The following GUCY1A2 variants were observed in gnomAD, a reference collection of about 807,000 sequenced individuals.
The protein encoded by GUCY1A2 is guanylate cyclase 1 soluble subunit alpha 2.
GUCY1A2 carries 27 observed loss-of-function variants against 63.5 expected under a neutral mutation model. The ratio of observed to expected loss-of-function variants is 0.43; its 90% CI spans 0.31 to 0.59. The LOEUF (loss-of-function observed/expected upper bound fraction) is 0.59, where lower values mean the gene tolerates loss of function less well. Among genes scored for constraint, GUCY1A2 ranks in the 20% least tolerant of loss-of-function variants. The probability of loss-of-function intolerance (pLI) is 0.11; values close to 1 mark genes in which losing one functional copy is unlikely to be tolerated. For synonymous variants in GUCY1A2, 364 were observed against 343.5 expected, an observed-to-expected ratio of 1.06 and a Z score of -0.66; for missense variants, 768 against 913.3, an observed-to-expected ratio of 0.84 and a Z score of 2.05.
At chr11:106,812,188 A>G (rs967545302) in intron 4 of GUCY1A2, among the ~76,000 whole-genome samples, 1 of 151,936 alleles carries the variant, frequency 6.6e-6, no homozygotes, top group African/African-American at 2.4e-5. Context: ...AAATTTTTTT[A>G]AGATTGACAT....
At chr11:106,740,664 A>ATGTATGTATGTATGTATGTATGTATGTT (rs1863678779) in intron 6 of GUCY1A2, among the ~76,000 whole-genome samples, 1 of 92,804 alleles carries the variant, frequency 1.1e-5, no homozygotes, top group Non-Finnish European at 2.9e-5. Context: ...GTATGTATGT[A>ATGTATGTATGTATGTATGTATGTATGTT]TGTATGTATG....
chr11:106,788,151 T>G (rs1003560380), intron 5 of GUCY1A2, among the ~76,000 whole-genome samples: 1 of 152,206 alleles, frequency 6.6e-6, no homozygotes, highest in Non-Finnish European at 1.5e-5. Context: ...TATTAAGCAT[T>G]TTTTCATATA....
intron 6 of GUCY1A2, among the ~76,000 whole-genome samples, chr11:106,744,663 C>T (rs753734240): frequency 4.6e-5 from 7 of 152,072 alleles, no homozygotes; most frequent in Non-Finnish European, 1.0e-4. Context: ...CCATATAAAA[C>T]CTGTTTTACT....
chr11:106,989,356 T>A, intron 1 of GUCY1A2, among the ~76,000 whole-genome samples: 1 of 152,202 alleles, frequency 6.6e-6, no homozygotes, highest in East Asian at 1.9e-4. Flanking sequence ...ACCTTATTTT[T>A]TTTTTAGTTA....
At chr11:106,791,494 T>C (rs1271895281) in intron 5 of GUCY1A2, among the ~76,000 whole-genome samples, 2 of 139,602 alleles carry the variant, frequency 1.4e-5, no homozygotes, top group African/African-American at 2.6e-5. Context: ...TGTGTGTGTG[T>C]GCATGTGCAC....
At chr11:106,708,074 G>A (rs1011717963) in intron 7 of GUCY1A2, among the ~76,000 whole-genome samples, 2 of 151,286 alleles carry the variant, frequency 1.3e-5, no homozygotes, top group Non-Finnish European at 2.9e-5. Context: ...TTTGAGTAAG[G>A]TATAATTTAT....
At chr11:106,814,325 T>C (rs1406720179) in intron 4 of GUCY1A2, among the ~76,000 whole-genome samples, 7 of 152,006 alleles carry the variant, frequency 4.6e-5, no homozygotes, top group Admixed American at 4.6e-4. Context: ...ATGTCCCGGG[T>C]GCTTCAATAA....
intron 4 of GUCY1A2, among the ~76,000 whole-genome samples, chr11:106,851,098 A>C (rs1289207614): frequency 4.0e-5 from 6 of 151,868 alleles, no homozygotes; most frequent in Non-Finnish European, 8.8e-5. Flanking sequence ...AGTGATGTTG[A>C]ATGCTTTATT....
chr11:106,845,605 C>A (rs1859259980), intron 4 of GUCY1A2, among the ~76,000 whole-genome samples: 1 of 151,130 alleles, frequency 6.6e-6, no homozygotes, highest in African/African-American at 2.4e-5. Flanking sequence ...GTACTTATTT[C>A]TTTTTTGTAA....
chr11:106,827,925 G>A (rs530367308), intron 4 of GUCY1A2: 9 of 1,297,822 alleles, frequency 6.9e-6, no homozygotes, highest in Non-Finnish European at 1.0e-5. Flanking sequence ...TGAATATCGC[G>A]GCGGAACAGC....
chr11:106,840,400 G>C (rs1031408808), intron 4 of GUCY1A2, among the ~76,000 whole-genome samples: 1 of 151,904 alleles, frequency 6.6e-6, no homozygotes, highest in Non-Finnish European at 1.5e-5. Context: ...CTGCATAAAC[G>C]CTTCTAGCTC....
intron 5 of GUCY1A2, among the ~76,000 whole-genome samples, chr11:106,797,757 C>T (rs769595840): frequency 5.9e-5 from 9 of 152,176 alleles, no homozygotes; most frequent in Non-Finnish European, 1.2e-4. Flanking sequence ...CTCTGGGACA[C>T]ATTCAAAGCA....
At chr11:106,861,631 C>T (rs1221982765) in intron 4 of GUCY1A2, among the ~76,000 whole-genome samples, 1 of 151,916 alleles carries the variant, frequency 6.6e-6, no homozygotes, top group Non-Finnish European at 1.5e-5. Flanking sequence ...ATTCTGAAGG[C>T]AGAGATGTGT....
intron 4 of GUCY1A2, among the ~76,000 whole-genome samples, chr11:106,867,682 T>C (rs1859614351): frequency 6.6e-6 from 1 of 151,998 alleles, no homozygotes; most frequent in Admixed American, 6.6e-5. Flanking sequence ...AATTCAAGCT[T>C]AATAGACTCC....
chr11:106,822,111 C>A (rs1858911255), intron 4 of GUCY1A2, among the ~76,000 whole-genome samples: 1 of 152,172 alleles, frequency 6.6e-6, no homozygotes, highest in South Asian at 2.1e-4. Flanking sequence ...AATTTGAGTA[C>A]AAAAGGAATT....
At chr11:106,700,751 T>G (rs1862804589) in intron 7 of GUCY1A2, among the ~76,000 whole-genome samples, 1 of 152,116 alleles carries the variant, frequency 6.6e-6, no homozygotes, top group Admixed American at 6.5e-5. Flanking sequence ...CCCGAATACT[T>G]TTTATTTTTA....
At chr11:106,787,260 C>CT (rs933817545) in intron 5 of GUCY1A2, among the ~76,000 whole-genome samples, 106 of 151,712 alleles carry the variant, frequency 7.0e-4, no homozygotes, top group African/African-American at 2.3e-3. Context: ...CATTCTTTCT[C>CT]TTTTTTGTAC....
At chr11:106,982,218 C>A (rs1371729965) in intron 2 of GUCY1A2, among the ~76,000 whole-genome samples, 1 of 152,088 alleles carries the variant, frequency 6.6e-6, no homozygotes, top group African/African-American at 2.4e-5. Flanking sequence ...CCACAACATA[C>A]AAAGAGAAGA....
At chr11:106,922,931 T>C (rs1181505022) in intron 4 of GUCY1A2, among the ~76,000 whole-genome samples, 3 of 151,794 alleles carry the variant, frequency 2.0e-5, no homozygotes, top group Non-Finnish European at 4.4e-5. Flanking sequence ...GGAAGGTGAC[T>C]AGGGACTCGA....
Sources: allele counts gnomAD v4.1 joint callset (sites outside exome capture counted in the v4.1 genomes callset), GRCh38; gene constraint gnomAD v4.1.1; transcripts MANE v1.5; gene names NCBI Gene and HGNC (gene_info 2026-07-23, HGNC 2026-07-21).